NCK2: variants seen among roughly 807,000 people sequenced by gnomAD.
NCK2 encodes cytoplasmic protein NCK2.
In NCK2, 16 loss-of-function variants were observed where a neutral mutation model predicts 33.9. The observed-to-expected ratio is 0.47, with a 90% CI of 0.32 to 0.72. The LOEUF (loss-of-function observed/expected upper bound fraction) is 0.72. Among genes scored for constraint, NCK2 ranks in the 30% least tolerant of loss-of-function variants. The pLI, the probability that NCK2 is intolerant of heterozygous loss-of-function variation, is 0.03. For missense variants in NCK2, 418 were observed against 537.3 expected (o/e 0.78, Z 2.19); for synonymous variants, 273 against 239.9 (o/e 1.14, Z -1.27).
intron 2 of NCK2, among the ~76,000 whole-genome samples, chr2:105,823,293 G>A (rs997589258): frequency 6.6e-6 from 1 of 151,752 alleles, no homozygotes; most frequent in African/African-American, 2.4e-5. Context: ...GAACTGAAGG[G>A]AACACGTGGA....
At chr2:105,829,686 ACTCAT>A (rs1471270975) in intron 2 of NCK2, among the ~76,000 whole-genome samples, 1 of 151,992 alleles carries the variant, frequency 6.6e-6, no homozygotes, top group Non-Finnish European at 1.5e-5. Flanking sequence ...AACATATCCT[ACTCAT>A]CTCATCACAT....
At chr2:105,857,415 C>T (rs761827221) in intron 3 of NCK2, among the ~76,000 whole-genome samples, 2 of 152,218 alleles carry the variant, frequency 1.3e-5, no homozygotes, top group Non-Finnish European at 2.9e-5. Flanking sequence ...CCATTTTTGG[C>T]GAAAACAGAT....
At chr2:105,772,520 T>A (rs1690166651) in intron 1 of NCK2, among the ~76,000 whole-genome samples, 1 of 152,038 alleles carries the variant, frequency 6.6e-6, no homozygotes, top group Non-Finnish European at 1.5e-5. Context: ...GGATCTCTGG[T>A]CCTCCTCCCT....
chr2:105,758,259 A>G (rs1451493973), intron 1 of NCK2, among the ~76,000 whole-genome samples: 1 of 152,112 alleles, frequency 6.6e-6, no homozygotes, highest in Non-Finnish European at 1.5e-5. Context: ...ATTGAATCAC[A>G]TTACTTCTCT....
At chr2:105,750,277 C>A (rs574636986) in intron 1 of NCK2, among the ~76,000 whole-genome samples, 23 of 152,260 alleles carry the variant, frequency 1.5e-4, no homozygotes, top group South Asian at 2.1e-4. Flanking sequence ...CTTATAAGAA[C>A]ATCTGTCCTG....
At chr2:105,890,224 A>C (rs1678914977) in intron 4 of NCK2, among the ~76,000 whole-genome samples, 1 of 152,204 alleles carries the variant, frequency 6.6e-6, no homozygotes, top group Non-Finnish European at 1.5e-5. Flanking sequence ...CAACTCATGC[A>C]TGCATACAGG....
Position 105,881,558 on chromosome 2 carries a change from T to C in NCK2, c.457T>C (p.Tyr153His). The change falls in exon 4 of 5, where the codon TAC (tyrosine) becomes CAC (histidine). Residue 153 changes from tyrosine to histidine, a missense_variant. By Grantham distance (83) the Tyr-to-His change is moderately conservative. Coordinates refer to ENST00000233154, the MANE Select transcript of NCK2 (RefSeq NM_003581.5). Reference protein sequence around the residue: ...KCSDGWWRGSYNGQIGWFPSN... With the variant: ...KCSDGWWRGSHNGQIGWFPSN... The stretch of plus-strand genomic sequence containing the variant: ...CAGCGACGGTTGGTGGCGGGGCAGC[T>C]ACAACGGGCAGATCGGCTGGTTCCC... 7 of 1,613,922 alleles carry C rather than the reference T, an allele frequency of 4.3e-6. No individual in the cohort carries two copies. The highest frequency in any genetic ancestry group is 5.9e-6 in the Non-Finnish European group (7 of 1,179,998).
At chr2:105,783,851 A>G (rs936365269) in intron 1 of NCK2, among the ~76,000 whole-genome samples, 3 of 152,016 alleles carry the variant, frequency 2.0e-5, no homozygotes, top group Admixed American at 6.6e-5. Context: ...AGAAAGTGGG[A>G]GTTGTTTCGC....
chr2:105,805,613 C>T (rs1356437432), intron 1 of NCK2, among the ~76,000 whole-genome samples: 1 of 152,102 alleles, frequency 6.6e-6, no homozygotes. Context: ...CCCTACCTTC[C>T]AGCCCCTGTT....
intron 2 of NCK2, chr2:105,846,763 A>G (rs1272452388): frequency 6.6e-6 from 1 of 152,218 alleles, no homozygotes; most frequent in Non-Finnish European, 1.5e-5. Flanking sequence ...ACATTAGGGC[A>G]ATCCCTCAAA....
At chr2:105,806,225 T>G (rs1020548310) in intron 1 of NCK2, among the ~76,000 whole-genome samples, 3 of 129,606 alleles carry the variant, frequency 2.3e-5, no homozygotes, top group Non-Finnish European at 3.4e-5. Flanking sequence ...ATCACACATA[T>G]CACATTTTCT....
rs115151868 is a variant in NCK2, at chr2:105,860,571, G to A, written c.226+5282G>A. ...CGAGCATGTAGTCAGAACCGCATGG[G>A]GAGGCCTTACTGGGCTGTGCACAGG... On this transcript the variant is annotated intron_variant, in intron 3 of 4. Transcript: ENST00000233154. 4.8e-3 allele frequency among the ~76,000 whole-genome samples: 723 copies of A among 152,168 alleles called. 3 individuals are homozygous for A. Among genetic ancestry groups the A allele is most frequent in the African/African-American group, 0.016 (670 of 41,504 alleles).
chr2:105,854,614 C>G (rs1395628371), intron 2 of NCK2: 1 of 153,542 alleles, frequency 6.5e-6, no homozygotes, highest in Non-Finnish European at 1.5e-5. Context: ...GTTATTAGTA[C>G]AATGTTAATT....
chr2:105,774,948 G>T (rs1343245327), intron 1 of NCK2, among the ~76,000 whole-genome samples: 1 of 150,408 alleles, frequency 6.6e-6, no homozygotes, highest in East Asian at 1.9e-4. Flanking sequence ...TAATCCCAGT[G>T]CAGGAGGATC....
chr2:105,892,943 C>T, intron 4 of NCK2, 39 bp from the exon 5 acceptor site: 1 of 1,562,438 alleles, frequency 6.4e-7, no homozygotes, highest in Non-Finnish European at 8.8e-7. Flanking sequence ...CAGCTCCCCG[C>T]TGTGGCCCGG....
intron 2 of NCK2, among the ~76,000 whole-genome samples, chr2:105,817,567 G>C (rs1675541477): frequency 6.6e-6 from 1 of 151,942 alleles, no homozygotes; most frequent in Non-Finnish European, 1.5e-5. Context: ...CTTTTAATTT[G>C]CTCAAAAAAA....
intron 2 of NCK2, among the ~76,000 whole-genome samples, chr2:105,833,423 C>A (rs1162613696): frequency 6.6e-6 from 1 of 152,100 alleles, no homozygotes; most frequent in African/African-American, 2.4e-5. Context: ...TCATTGTCAG[C>A]AAGTTATGTG....
intron 3 of NCK2, among the ~76,000 whole-genome samples, chr2:105,858,986 C>G (rs2104594965): frequency 6.6e-6 from 1 of 152,278 alleles, no homozygotes; most frequent in Non-Finnish European, 1.5e-5. Flanking sequence ...CTGGCAGAAT[C>G]CAGTTGATGT....
At chr2:105,765,416 TCA>T (rs1643124648) in intron 1 of NCK2, among the ~76,000 whole-genome samples, 1 of 152,208 alleles carries the variant, frequency 6.6e-6, no homozygotes. Context: ...TCCATCATGG[TCA>T]TCCTGAGGCC....
Sources: allele counts gnomAD v4.1 joint callset (sites outside exome capture counted in the v4.1 genomes callset), GRCh38; gene constraint gnomAD v4.1.1; transcripts MANE v1.5; gene names NCBI Gene and HGNC (gene_info 2026-07-23, HGNC 2026-07-21).